The following NEMF variants were observed in gnomAD, a reference collection of about 807,000 sequenced individuals.
NEMF encodes ribosome quality control complex subunit NEMF.
A neutral mutation model predicts 162.2 loss-of-function variants in NEMF; 89 were observed. The ratio of observed to expected loss-of-function variants is 0.55; its 90% CI spans 0.46 to 0.65. The LOEUF (loss-of-function observed/expected upper bound fraction) is 0.65. Among genes scored for constraint, NEMF ranks in the 30% least tolerant of loss-of-function variants. The pLI is 0.00. For synonymous variants in NEMF, 421 were observed against 404.5 expected (o/e 1.04, Z -0.49); for missense variants, 1,133 against 1,261.9 (o/e 0.90, Z 1.55).
At chr14:49,852,054 A>T (rs1375848879) in intron 1 of NEMF, among the ~76,000 whole-genome samples, 179 bp from the exon 2 acceptor site, 1 of 152,244 alleles carries the variant, frequency 6.6e-6, no homozygotes, top group Non-Finnish European at 1.5e-5. Context: ...GTAACGATTT[A>T]AAAACAGAAG....
chr14:49,839,241 C>A (rs1594798718), intron 5 of NEMF, among the ~76,000 whole-genome samples: 1 of 151,834 alleles, frequency 6.6e-6, no homozygotes. Context: ...CCATGCCCGG[C>A]TAATTTTTTT....
At chr14:49,835,421 TATC>T (rs1402709114) in intron 6 of NEMF, among the ~76,000 whole-genome samples, 1 of 152,138 alleles carries the variant, frequency 6.6e-6, no homozygotes, top group East Asian at 1.9e-4. Context: ...AAGAGCCATA[TATC>T]ATTTCAATAG....
At chr14:49,809,981 G>C (rs1388132517) in intron 18 of NEMF, among the ~76,000 whole-genome samples, 2 of 151,866 alleles carry the variant, frequency 1.3e-5, no homozygotes, top group Non-Finnish European at 1.5e-5. Flanking sequence ...AATAGGGGAG[G>C]CTACGCATGC....
At chr14:49,791,568 C>T (rs982214562) in intron 26 of NEMF, among the ~76,000 whole-genome samples, 2 of 151,858 alleles carry the variant, frequency 1.3e-5, no homozygotes, top group African/African-American at 2.4e-5. Context: ...GAAACTCTGT[C>T]GCTACTAAAA....
At chr14:49,796,464 C>T (rs1414849850) in intron 25 of NEMF, 2 of 304,784 alleles carry the variant, frequency 6.6e-6, no homozygotes, top group Non-Finnish European at 1.3e-5. Context: ...CCAGAGTCTA[C>T]ATACTCTGAA....
Position 49,828,728 on chromosome 14 carries a change from G to A in NEMF, c.1312C>T (p.Pro438Ser), listed in dbSNP as rs757918646. ...VNVEKNETEP[P>S]KGKKKKQKNK... ...TTTTGTTTTTTCTTTTTTCCTTTTG[G>A]TGGTTCAGTTTCATTTTTCTCAACA... Residue 438 changes from proline to serine, a missense_variant, in exon 14 of 33, where the codon CCA (proline) becomes TCA (serine). By Grantham distance (74) the Pro-to-Ser change is moderately conservative (BLOSUM62 -1). Coordinates refer to ENST00000298310, the MANE Select transcript of NEMF (RefSeq NM_004713.6). 1 of 1,598,786 alleles carries A rather than the reference G, an allele frequency of 6.3e-7. No homozygotes were observed. The highest frequency in any genetic ancestry group is 8.5e-7 in the Non-Finnish European group (1 of 1,171,808).
chr14:49,851,596 A>G lies in NEMF; in HGVS notation c.198T>C (p.Pro66=), dbSNP rs775959666. 6.2e-7 allele frequency: 1 copy of G among 1,613,794 alleles called. No homozygotes were observed. Among genetic ancestry groups the G allele is most frequent in the Non-Finnish European group, 8.5e-7 (1 of 1,179,768 alleles). ...CAAAACTAGACGGCATCATATTCTT[A>G]GGCCACTCAAATTCTGTTGTATGAA... ...IRIHTTEFEW[P]KNMMPSSFAM... Residue 66 remains proline, a synonymous_variant, in exon 3 of 33, where the codon CCT becomes CCC. Transcript: ENST00000298310.
chr14:49,842,287 A>G (rs1893253223), intron 4 of NEMF, among the ~76,000 whole-genome samples: 1 of 152,230 alleles, frequency 6.6e-6, no homozygotes, highest in Admixed American at 6.5e-5. Flanking sequence ...TAGGTAAAAC[A>G]TAGCAAAGAC....
chr14:49,805,404 T>TGTAATCTCAGCATTTTGGGAGGCTGAA (rs1891140906), intron 19 of NEMF, among the ~76,000 whole-genome samples: 1 of 152,052 alleles, frequency 6.6e-6, no homozygotes, highest in South Asian at 2.1e-4. Context: ...GGCTCATGCC[T>TGTAATCTCAGCATTTTGGGAGGCTGAA]GTAATCTCAG....
At chr14:49,822,089 G>A (rs1464180982) in intron 16 of NEMF, among the ~76,000 whole-genome samples, 1 of 151,910 alleles carries the variant, frequency 6.6e-6, no homozygotes, top group Non-Finnish European at 1.5e-5. Context: ...GATGTGCTTT[G>A]TTAAACAGAT....
rs139530838 is a variant in NEMF, at chr14:49,846,209, A to G, written c.288T>C (p.Asp96=). ...RLVSAKQLGV[D]RIVDFQFGSD... ...TTCCAAATTGAAAATCTACAATTCTATCCACACCAAGCTGTTTTGCACTGA... is the reference window on the plus strand; with the variant it reads ...TTCCAAATTGAAAATCTACAATTCTGTCCACACCAAGCTGTTTTGCACTGA... Residue 96 remains aspartate (D), a synonymous_variant, in exon 4 of 33, where the codon GAT becomes GAC. Coordinates refer to ENST00000298310, the MANE Select transcript of NEMF (RefSeq NM_004713.6). The G allele has an allele frequency of 8.1e-6, 13 of 1,613,548 alleles. No homozygotes were observed. Among genetic ancestry groups the G allele is most frequent in the African/African-American group, 8.0e-5 (6 of 74,930 alleles).
At chr14:49,792,573 T>C (rs1305785355) in intron 26 of NEMF, among the ~76,000 whole-genome samples, 2 of 152,170 alleles carry the variant, frequency 1.3e-5, no homozygotes, top group African/African-American at 2.4e-5. Context: ...CCTAAACTTA[T>C]TTTATGAAAC....
intron 4 of NEMF, among the ~76,000 whole-genome samples, chr14:49,844,390 T>A (rs1893366139): frequency 6.6e-6 from 1 of 152,216 alleles, no homozygotes; most frequent in Admixed American, 6.5e-5. Flanking sequence ...ACTCGCATAC[T>A]GCTCACCTCC....
chr14:49,839,989 T>A (rs1361425348), intron 5 of NEMF, among the ~76,000 whole-genome samples: 1 of 152,028 alleles, frequency 6.6e-6, no homozygotes, highest in Non-Finnish European at 1.5e-5. Flanking sequence ...CAAGACCCCA[T>A]GTCTACAAAA....
rs778335126 is a variant in NEMF, at chr14:49,782,390, C to G, written c.*2246G>C. The G allele has an allele frequency of 1.2e-6, 2 of 1,612,246 alleles. No individual in the cohort carries two copies. The highest frequency in any genetic ancestry group is 1.7e-6 in the Non-Finnish European group (2 of 1,178,670). On this transcript the variant is annotated 3_prime_UTR_variant, in exon 33 of 33. Coordinates refer to ENST00000298310, the MANE Select transcript of NEMF (RefSeq NM_004713.6). ...TGCAGGTTATGGCACACAGCTTGTG[C>G]CAGCGATGAAGGAGAAGTAATTGTT...
chr14:49,787,567 ACTCAT>A (rs1890235024), intron 28 of NEMF, among the ~76,000 whole-genome samples: 2 of 152,114 alleles, frequency 1.3e-5, no homozygotes, highest in South Asian at 4.1e-4. Flanking sequence ...GCAAAAGGGC[ACTCAT>A]CTCATTCATG....
intron 15 of NEMF, among the ~76,000 whole-genome samples, chr14:49,826,878 G>A (rs1172204723): frequency 2.0e-5 from 3 of 152,132 alleles, no homozygotes; most frequent in Non-Finnish European, 4.4e-5. Context: ...AGTAATGAGC[G>A]GTCAAGGAAG....
At chr14:49,833,644 C>A in intron 7 of NEMF, 148 bp from the exon 8 acceptor site, 1 of 504,998 alleles carries the variant, frequency 2.0e-6, no homozygotes, top group East Asian at 2.8e-5. Context: ...TGTTTATAAC[C>A]AGTATATGTG....
Position 49,795,957 on chromosome 14 carries a change from G to C in NEMF, c.2466-13C>G. 6.3e-7 allele frequency: 1 copy of C among 1,581,040 alleles called. No homozygotes were observed. Among genetic ancestry groups the C allele is most frequent in the Non-Finnish European group, 8.6e-7 (1 of 1,168,706 alleles). ...CTTTTTCATTTCCCTGAATAAAAAA[G>C]ACATGAAAACATTTCATTCTTAGAA... On this transcript the variant is annotated splice_polypyrimidine_tract_variant and intron_variant, in intron 25 of 32. Transcript: ENST00000298310.
Sources: allele counts gnomAD v4.1 joint callset (sites outside exome capture counted in the v4.1 genomes callset), GRCh38; gene constraint gnomAD v4.1.1; transcripts MANE v1.5; gene names NCBI Gene and HGNC (gene_info 2026-07-23, HGNC 2026-07-21).